The following SERPINI1 variants were observed in gnomAD, a reference collection of about 807,000 sequenced individuals.
SERPINI1 encodes serpin family I member 1, also known as neuroserpin.
Under a neutral mutation model 41.1 loss-of-function variants are expected in SERPINI1, and 19 were observed. The ratio of observed to expected loss-of-function variants is 0.46; its 90% CI spans 0.32 to 0.68. The LOEUF (loss-of-function observed/expected upper bound fraction) is 0.68, where lower values mean the gene tolerates loss of function less well. SERPINI1 is among the 30% of genes least tolerant of loss of function. The pLI, the probability that SERPINI1 is intolerant of heterozygous loss-of-function variation, is 0.03. For synonymous variants in SERPINI1, 138 were observed against 156.6 expected (o/e 0.88, Z 0.89); for missense variants, 460 against 479.2 (o/e 0.96, Z 0.37).
intron 1 of SERPINI1, among the ~76,000 whole-genome samples, chr3:167,763,371 GTGTGTGTA>G (rs955396141): frequency 3.1e-4 from 46 of 148,524 alleles, no homozygotes; most frequent in African/African-American, 9.8e-4. Context: ...GTGTGTGTGT[GTGTGTGTA>G]TGTGTGTGTG....
Position 167,789,092 on chromosome 3 carries a change from GTAAATTGTTGT to G in SERPINI1, c.-18-17_-18-7del. The G allele has an allele frequency of 6.2e-7, 1 of 1,608,698 alleles. No individual in the cohort carries two copies. Among genetic ancestry groups the G allele is most frequent in the South Asian group, 1.1e-5 (1 of 90,866 alleles). ...TATAGAGATAACTAATAATTAATATGTAAATTGTTGTTTTTTAGGCTTGAAACTGTTACAAT... is the reference window on the plus strand; with the variant it reads ...TATAGAGATAACTAATAATTAATATGTTTTTAGGCTTGAAACTGTTACAAT... On this transcript the variant is annotated splice_polypyrimidine_tract_variant and splice_region_variant and intron_variant, in intron 1 of 8. Coordinates refer to ENST00000446050, the MANE Select transcript of SERPINI1 (RefSeq NM_001122752.2).
At chr3:167,773,814 G>A (rs1235896116) in intron 1 of SERPINI1, among the ~76,000 whole-genome samples, 1 of 152,134 alleles carries the variant, frequency 6.6e-6, no homozygotes, top group East Asian at 1.9e-4. Flanking sequence ...AAACAAAACA[G>A]TAAAATTACT....
intron 1 of SERPINI1, among the ~76,000 whole-genome samples, chr3:167,742,002 A>T (rs1725693526): frequency 6.6e-6 from 1 of 152,168 alleles, no homozygotes; most frequent in Non-Finnish European, 1.5e-5. Flanking sequence ...TGTATTTCAG[A>T]GTTTCTGATA....
intron 1 of SERPINI1, among the ~76,000 whole-genome samples, chr3:167,770,896 A>G (rs1233874624): frequency 1.3e-5 from 2 of 152,128 alleles, no homozygotes; most frequent in Non-Finnish European, 2.9e-5. Flanking sequence ...TTTTCCCACC[A>G]TCTGGACCTT....
At chr3:167,759,035 CA>C (rs1408631096) in intron 1 of SERPINI1, among the ~76,000 whole-genome samples, 1 of 152,034 alleles carries the variant, frequency 6.6e-6, no homozygotes, top group Non-Finnish European at 1.5e-5. Context: ...AAATAGATTC[CA>C]GTTGTTTCAG....
At chr3:167,785,445 A>G (rs1727274193) in intron 1 of SERPINI1, among the ~76,000 whole-genome samples, 1 of 152,144 alleles carries the variant, frequency 6.6e-6, no homozygotes, top group South Asian at 2.1e-4. Context: ...TGTCCCACTT[A>G]TCCAAGGACT....
chr3:167,799,288 C>T (rs551356709), intron 5 of SERPINI1, among the ~76,000 whole-genome samples: 4 of 152,232 alleles, frequency 2.6e-5, no homozygotes, highest in African/African-American at 9.6e-5. Flanking sequence ...TGACAACATG[C>T]GGTGTTTGGT....
intron 1 of SERPINI1, among the ~76,000 whole-genome samples, chr3:167,745,909 A>C (rs1293800119): frequency 6.6e-6 from 1 of 152,184 alleles, no homozygotes. Context: ...CAAAGAAATT[A>C]AAGAAGACCT....
chr3:167,780,100 A>G (rs1202902918), intron 1 of SERPINI1, among the ~76,000 whole-genome samples: 1 of 152,202 alleles, frequency 6.6e-6, no homozygotes, highest in Non-Finnish European at 1.5e-5. Context: ...AAAATGGAGT[A>G]TATTTATACC....
At chr3:167,744,655 T>A (rs1166733240) in intron 1 of SERPINI1, among the ~76,000 whole-genome samples, 3 of 129,460 alleles carry the variant, frequency 2.3e-5, no homozygotes, top group African/African-American at 6.1e-5. Flanking sequence ...TAAATATATA[T>A]AAATATAAAA....
intron 1 of SERPINI1, among the ~76,000 whole-genome samples, chr3:167,767,670 C>T (rs773850327): frequency 2.8e-4 from 43 of 151,972 alleles, no homozygotes; most frequent in African/African-American, 9.4e-4. Flanking sequence ...TTTTGATTCA[C>T]GGGAGAAAGT....
chr3:167,772,915 C>T lies in SERPINI1; in HGVS notation c.-18-16196C>T, dbSNP rs1369810070. 1.5e-4 allele frequency among the ~76,000 whole-genome samples: 15 copies of T among 102,758 alleles called. 1 individual carries two copies. Among genetic ancestry groups the T allele is most frequent in the African/African-American group, 5.9e-4 (14 of 23,712 alleles). 67.4% of individuals were successfully genotyped at this position (102,758 alleles called of 152,430 possible). ...ATATACACACACACACACACACACA[C>T]ACACACATGCATATATACATATACA... On this transcript the variant is annotated intron_variant, in intron 1 of 8. Transcript: ENST00000446050.
intron 5 of SERPINI1, among the ~76,000 whole-genome samples, chr3:167,803,131 G>C (rs1412201436): frequency 6.6e-6 from 1 of 151,320 alleles, no homozygotes; most frequent in Non-Finnish European, 1.5e-5. Flanking sequence ...CTGTTGTGGG[G>C]TTGGGGGAGG....
chr3:167,825,101 GAGGAAGGAAGGAAGGACAGGAGGA>G (rs1234968855), intron 8 of SERPINI1, 122 bp from the exon 9 acceptor site: 1 of 693,680 alleles, frequency 1.4e-6, no homozygotes, highest in Non-Finnish European at 2.6e-6. Flanking sequence ...GGAAGAGAGA[GAGGAAGGAAGGAAGGACAGGAGGA>G]AGGAAGGAAG....
At chr3:167,764,618 C>T (rs1402731348) in intron 1 of SERPINI1, among the ~76,000 whole-genome samples, 1 of 152,118 alleles carries the variant, frequency 6.6e-6, no homozygotes, top group Non-Finnish European at 1.5e-5. Context: ...CCAAATCTGA[C>T]ATCCTAACAT....
rs145414962 is a variant in SERPINI1 at position 167,784,967 on chromosome 3, G to T, written c.-18-4144G>T. Among the ~76,000 whole-genome samples, 376 of 152,298 alleles carry T rather than the reference G, an allele frequency of 2.5e-3. 2 individuals carry two copies. Among genetic ancestry groups the T allele is most frequent in the African/African-American group, 8.7e-3 (362 of 41,578 alleles). On this transcript the variant is annotated intron_variant, in intron 1 of 8. Transcript: ENST00000446050. ...TGTTAAAATGAGTGCTTCGCCCCAA[G>T]CATGGTGGCTCACACCTGTAATCCC... is the stretch of plus-strand genomic sequence containing the variant.
chr3:167,760,103 A>G (rs181463274), intron 1 of SERPINI1, among the ~76,000 whole-genome samples: 4 of 152,268 alleles, frequency 2.6e-5, no homozygotes, highest in African/African-American at 9.6e-5. Flanking sequence ...ATATATGAAA[A>G]TAGATATGAC....
At chr3:167,813,160 C>T (rs550797859) in intron 6 of SERPINI1, among the ~76,000 whole-genome samples, 39 of 152,282 alleles carry the variant, frequency 2.6e-4, no homozygotes, top group Middle Eastern at 3.4e-3. Context: ...TTTCTTCTTG[C>T]GCCTGTAAAC....
intron 1 of SERPINI1, among the ~76,000 whole-genome samples, chr3:167,741,744 G>A (rs1384355610): frequency 6.6e-6 from 1 of 152,190 alleles, no homozygotes; most frequent in African/African-American, 2.4e-5. Context: ...TTCCAGTTAA[G>A]AAACCTGTAC....
Sources: gnomAD v4.1 joint callset for allele counts (sites outside exome capture counted in the v4.1 genomes callset) on GRCh38, gnomAD v4.1.1 for gene constraint, MANE v1.5 for transcripts, NCBI Gene and HGNC (gene_info 2026-07-23, HGNC 2026-07-21) for gene names.